STK33: variants seen among roughly 807,000 people sequenced by gnomAD.
STK33 encodes serine/threonine kinase 33.
In STK33, 52 loss-of-function variants were observed where a neutral mutation model predicts 58.0. The observed-to-expected ratio is 0.90, with a 90% CI of 0.72 to 1.13. STK33 has a LOEUF of 1.13. Among genes scored for constraint, STK33 ranks in the 50% most tolerant of loss-of-function variants. The pLI is 0.00. For synonymous variants in STK33, 215 were observed against 200.1 expected, an observed-to-expected ratio of 1.07 and a Z score of -0.63; for missense variants, 630 against 604.2, an observed-to-expected ratio of 1.04 and a Z score of -0.45.
intron 1 of STK33, among the ~76,000 whole-genome samples, chr11:8,537,563 G>A (rs1332150860): frequency 1.3e-5 from 2 of 152,100 alleles, no homozygotes; most frequent in Non-Finnish European, 2.9e-5. Flanking sequence ...TTTTTGGTAT[G>A]ATAAGTGATT....
At chr11:8,522,035 A>T (rs1014100731) in intron 1 of STK33, among the ~76,000 whole-genome samples, 6 of 152,352 alleles carry the variant, frequency 3.9e-5, no homozygotes, top group Middle Eastern at 3.4e-3. Flanking sequence ...GTGGGACTGC[A>T]CACTAGCTCA....
At chr11:8,393,293 T>C (rs890671776) in intron 15 of STK33, among the ~76,000 whole-genome samples, 2 of 152,170 alleles carry the variant, frequency 1.3e-5, no homozygotes, top group African/African-American at 2.4e-5. Context: ...GAGCTTACCA[T>C]AAGAATGAAG....
intron 14 of STK33, among the ~76,000 whole-genome samples, chr11:8,433,492 A>G (rs1356265987): frequency 1.3e-5 from 2 of 152,140 alleles, no homozygotes; most frequent in South Asian, 2.1e-4. Flanking sequence ...TCTCAAATTT[A>G]TATCTTCATC....
intron 14 of STK33, among the ~76,000 whole-genome samples, chr11:8,422,049 GA>G (rs1011460012): frequency 5.3e-5 from 8 of 151,642 alleles, no homozygotes; most frequent in Non-Finnish European, 8.8e-5. Context: ...AATGTTGGAA[GA>G]AAAAAAAGCT....
At position 8,440,046 on chromosome 11, in the gene STK33, A is replaced by G. The variant is rs369526984; in HGVS notation, c.947+632T>C. On this transcript the variant is annotated intron_variant, in intron 12 of 15. Coordinates refer to ENST00000687296, the MANE Select transcript of STK33 (RefSeq NM_001352389.2). ...TCAGAAAGACCCTGCAATAGTCTAG[A>G]AAAGGAATCATAAGGAGAAAAGATA... is the stretch of plus-strand genomic sequence containing the variant. Among the ~76,000 whole-genome samples, 75 of 151,744 alleles carry G rather than the reference A, an allele frequency of 4.9e-4. 1 individual carries two copies. Among genetic ancestry groups the G allele is most frequent in the African/African-American group, 1.7e-3 (72 of 41,366 alleles).
At chr11:8,590,921 T>C (rs1040878282) in intron 1 of STK33, among the ~76,000 whole-genome samples, 4 of 152,196 alleles carry the variant, frequency 2.6e-5, no homozygotes, top group African/African-American at 9.6e-5. Context: ...CATTTTCCAT[T>C]TTGTAAGTCT....
In STK33 at chr11:8,484,468, C is replaced by A. The variant is rs115896224; in HGVS notation, c.-465-3854G>T. 6.1e-3 allele frequency among the ~76,000 whole-genome samples: 936 copies of A among 152,232 alleles called. 12 individuals carry two copies. The highest frequency in any genetic ancestry group is 0.022 in the African/African-American group (895 of 41,560). On this transcript the variant is annotated intron_variant, in intron 1 of 15. Coordinates refer to ENST00000687296, the MANE Select transcript of STK33 (RefSeq NM_001352389.2). ...ACAGCTAGCTTAAAATACAACCCTA[C>A]GGGAGCTTGCTCTAGATGTTTGCAG... is the stretch of plus-strand genomic sequence containing the variant.
chr11:8,431,629 T>C (rs1357699007), intron 14 of STK33, among the ~76,000 whole-genome samples: 1 of 152,198 alleles, frequency 6.6e-6, no homozygotes, highest in Non-Finnish European at 1.5e-5. Flanking sequence ...AAAATGATAC[T>C]TGCAACAATC....
At chr11:8,516,695 TG>T (rs1410725520) in intron 1 of STK33, among the ~76,000 whole-genome samples, 1 of 152,258 alleles carries the variant, frequency 6.6e-6, no homozygotes, top group Non-Finnish European at 1.5e-5. Flanking sequence ...ATCCCGTGCC[TG>T]GCTTGGCGGG....
At chr11:8,391,809 A>G (rs1402549825), downstream of STK33, 1 of 152,644 alleles carries the variant, frequency 6.6e-6, no homozygotes, top group Non-Finnish European at 1.5e-5. Flanking sequence ...CAAACTTATA[A>G]TTTGCATAAA....
chr11:8,422,306 C>A (rs1942038655), intron 14 of STK33, among the ~76,000 whole-genome samples: 1 of 152,000 alleles, frequency 6.6e-6, no homozygotes, highest in South Asian at 2.1e-4. Context: ...GTTGGGGATA[C>A]TCAAGTTGGC....
intron 11 of STK33, among the ~76,000 whole-genome samples, chr11:8,446,247 T>A (rs1945444809): frequency 6.9e-6 from 1 of 144,404 alleles, no homozygotes; most frequent in African/African-American, 2.6e-5. Context: ...TTTTTTATTG[T>A]GTCTATTTGA....
chr11:8,448,847 A>T (rs1366802952), intron 11 of STK33, among the ~76,000 whole-genome samples: 2 of 152,156 alleles, frequency 1.3e-5, no homozygotes, highest in African/African-American at 4.8e-5. Context: ...TGCACAGGCA[A>T]CCTACGGAAT....
chr11:8,462,440 T>TACACACAC (rs201221789), intron 7 of STK33, among the ~76,000 whole-genome samples: 14,858 of 125,654 alleles, frequency 0.12, 863 homozygotes, highest in Middle Eastern at 0.14. Flanking sequence ...TATATACATA[T>TACACACAC]ATACACACAC....
At chr11:8,511,954 G>C (rs1287692890) in intron 1 of STK33, among the ~76,000 whole-genome samples, 2 of 151,980 alleles carry the variant, frequency 1.3e-5, no homozygotes, top group African/African-American at 4.8e-5. Context: ...ATAACTCTAA[G>C]ATATAAAAAT....
At chr11:8,487,644 G>A (rs547822158) in intron 1 of STK33, among the ~76,000 whole-genome samples, 3 of 152,174 alleles carry the variant, frequency 2.0e-5, no homozygotes, top group Admixed American at 6.5e-5. Context: ...AGGCAGCAAG[G>A]AGGTCATTTC....
chr11:8,443,496 G>C (rs986773132), intron 11 of STK33, among the ~76,000 whole-genome samples: 1 of 151,288 alleles, frequency 6.6e-6, no homozygotes, highest in Non-Finnish European at 1.5e-5. Context: ...TCAACCACCT[G>C]GAAAAATTCT....
chr11:8,553,072 C>T (rs1956415260), intron 1 of STK33, among the ~76,000 whole-genome samples: 1 of 150,080 alleles, frequency 6.7e-6, no homozygotes, highest in African/African-American at 2.4e-5. Flanking sequence ...AGGAGGATCA[C>T]TTGAATCCAG....
At chr11:8,502,014 T>C (rs1010137432) in intron 1 of STK33, among the ~76,000 whole-genome samples, 3 of 152,152 alleles carry the variant, frequency 2.0e-5, no homozygotes, top group East Asian at 1.9e-4. Flanking sequence ...CAGATTAGTG[T>C]ATTTCAGGGC....
Sources: gnomAD v4.1 joint callset for allele counts (sites outside exome capture counted in the v4.1 genomes callset) on GRCh38, gnomAD v4.1.1 for gene constraint, MANE v1.5 for transcripts, NCBI Gene and HGNC (gene_info 2026-07-23, HGNC 2026-07-21) for gene names.